Variants in PLCG2 observed in about 807,000 individuals in gnomAD.
PLCG2 encodes the protein 1-phosphatidylinositol 4,5-bisphosphate phosphodiesterase gamma-2.
In PLCG2, 69 loss-of-function variants were observed where a neutral mutation model predicts 175.6. The observed-to-expected ratio is 0.39, with a 90% CI of 0.32 to 0.48. The LOEUF is 0.48. Ranked by LOEUF, PLCG2 falls within the 20% of genes least tolerant of loss-of-function variation. PLCG2 has a pLI of 0.91. For missense variants in PLCG2, 1,798 were observed against 1,650.9 expected (o/e 1.09, Z -1.54); for synonymous variants, 827 against 624.0 (o/e 1.33, Z -4.85).
intron 7 of PLCG2, among the ~76,000 whole-genome samples, chr16:81,874,846 T>C (rs1047552911): frequency 6.6e-6 from 1 of 151,676 alleles, no homozygotes; most frequent in African/African-American, 2.4e-5. Flanking sequence ...GTCTCCCTGG[T>C]GAGGGGATAT....
chr16:81,935,079 A>G (rs1910652482), intron 26 of PLCG2, among the ~76,000 whole-genome samples: 3 of 152,142 alleles, frequency 2.0e-5, no homozygotes, highest in South Asian at 2.1e-4. Context: ...TGCCATTACC[A>G]CAAACTTGGT....
At chr16:81,942,189 G>A (rs1261600734) in intron 30 of PLCG2, among the ~76,000 whole-genome samples, 1 of 152,208 alleles carries the variant, frequency 6.6e-6, no homozygotes, top group Non-Finnish European at 1.5e-5. Flanking sequence ...CCTCTTGAAG[G>A]ATGAGGGCCT....
chr16:81,960,199 G>C lies in PLCG2; in HGVS notation c.*2201G>C. On this transcript the variant is annotated 3_prime_UTR_variant, in exon 33 of 33. Transcript: ENST00000564138. ...CCTTGACAGAGTAACACGTTAATCTGGTTCTTGGTGGTGTTAGGGACTGAT... is the reference window on the plus strand; with the variant it reads ...CCTTGACAGAGTAACACGTTAATCTCGTTCTTGGTGGTGTTAGGGACTGAT... 9.1e-6 allele frequency: 2 copies of C among 220,360 alleles called. No homozygotes were observed. Among genetic ancestry groups the C allele is most frequent in the Non-Finnish European group, 1.8e-5 (2 of 109,894 alleles). The allele number at this position is 220,360 out of a possible 1,614,324, so 13.7% of individuals were successfully genotyped here.
chr16:81,841,722 C>T (rs967133733), intron 2 of PLCG2, among the ~76,000 whole-genome samples: 1 of 152,210 alleles, frequency 6.6e-6, no homozygotes, highest in Non-Finnish European at 1.5e-5. Context: ...TGGGCTCTTT[C>T]TGCTCTACCG....
At chr16:81,803,485 C>T (rs1241431723) in intron 2 of PLCG2, among the ~76,000 whole-genome samples, 1 of 151,924 alleles carries the variant, frequency 6.6e-6, no homozygotes, top group Non-Finnish European at 1.5e-5. Context: ...AGGTAGTTCT[C>T]TCTTTTTGGT....
chr16:81,764,544 C>T (rs1247111942), intron 2 of PLCG2, among the ~76,000 whole-genome samples: 1 of 152,176 alleles, frequency 6.6e-6, no homozygotes, highest in Non-Finnish European at 1.5e-5. Flanking sequence ...CAAGCGTGCC[C>T]CGTGCAGGTC....
intron 10 of PLCG2, chr16:81,889,514 G>A: frequency 2.6e-6 from 1 of 378,090 alleles, no homozygotes; most frequent in Non-Finnish European, 4.8e-6. Context: ...AGAACCGATT[G>A]ATCAAGGCAG....
chr16:81,745,858 C>T (rs979099709), intron 1 of PLCG2, among the ~76,000 whole-genome samples: 2 of 152,218 alleles, frequency 1.3e-5, no homozygotes, highest in African/African-American at 2.4e-5. Flanking sequence ...GCTATCCATT[C>T]AGAGGCCGAG....
intron 23 of PLCG2, 54 bp from the exon 24 acceptor site, chr16:81,928,504 T>A: frequency 8.6e-7 from 1 of 1,167,364 alleles, no homozygotes; most frequent in Non-Finnish European, 1.3e-6. Flanking sequence ...AAACGGGTTT[T>A]CTTTTTATTA....
chr16:81,769,378 G>T (rs1021648381), intron 2 of PLCG2, among the ~76,000 whole-genome samples: 1 of 152,142 alleles, frequency 6.6e-6, no homozygotes, highest in Non-Finnish European at 1.5e-5. Flanking sequence ...AGCGGCGGGC[G>T]GCAGTTAAAT....
chr16:81,931,443 C>T, intron 24 of PLCG2, 54 bp from the exon 25 acceptor site: 4 of 1,571,928 alleles, frequency 2.5e-6, no homozygotes, highest in Non-Finnish European at 3.5e-6. Context: ...GCAGTCTGGT[C>T]TTTGTGGCCC....
At chr16:81,859,308 C>A in intron 5 of PLCG2, 145 bp downstream of exon 5, 2 of 599,218 alleles carry the variant, frequency 3.3e-6, no homozygotes. Flanking sequence ...ATGTTGGGTC[C>A]TGGGGTTGAG....
At chr16:81,778,078 ACAC>A (rs1350601509), upstream of PLCG2, among the ~76,000 whole-genome samples, 3 of 47,748 alleles carry the variant, frequency 6.3e-5, no homozygotes, top group African/African-American at 2.6e-4. Context: ...AAACACACAC[ACAC>A]AAAAAAAACG....
rs188005486 is a variant in PLCG2, at chr16:81,867,691, C to T, written c.480-1523C>T. Among the ~76,000 whole-genome samples, 37 of 152,072 alleles carry T rather than the reference C, an allele frequency of 2.4e-4. No homozygotes were observed. The East Asian group carries it at 7.0e-3, about 29-fold the overall frequency. Reference sequence around the variant, plus strand: ...GCCTGGGACGTGTTCTCCCTTGCTTCCCTCCCTTTTCTTTTTTATTTTTGG... The same window carrying T: ...GCCTGGGACGTGTTCTCCCTTGCTTTCCTCCCTTTTCTTTTTTATTTTTGG... On this transcript the variant is annotated intron_variant, in intron 5 of 32. Coordinates refer to ENST00000564138, the MANE Select transcript of PLCG2 (RefSeq NM_002661.5).
chr16:81,795,319 A>G (rs756077414), intron 2 of PLCG2, among the ~76,000 whole-genome samples: 3 of 152,218 alleles, frequency 2.0e-5, no homozygotes, highest in Non-Finnish European at 2.9e-5. Flanking sequence ...GCCTCTCTGT[A>G]GAGGTGATGT....
intron 2 of PLCG2, among the ~76,000 whole-genome samples, chr16:81,831,807 G>T (rs931492529): frequency 6.6e-6 from 1 of 152,208 alleles, no homozygotes. Context: ...CCTTCTAGCT[G>T]TCTGCAACAG....
intron 24 of PLCG2, 94 bp from the exon 25 acceptor site, chr16:81,931,403 G>C (rs1318428642): frequency 2.5e-6 from 3 of 1,214,084 alleles, no homozygotes; most frequent in Non-Finnish European, 3.6e-6. Context: ...AGTGGTGGTT[G>C]GTCCATGAGA....
intron 7 of PLCG2, among the ~76,000 whole-genome samples, chr16:81,874,602 C>G (rs1354292896): frequency 1.3e-5 from 2 of 152,116 alleles, no homozygotes; most frequent in Non-Finnish European, 2.9e-5. Flanking sequence ...GAATGAGGGC[C>G]TAGCTGGATT....
chr16:81,858,436 GGGAAA>G (rs1567501968), intron 4 of PLCG2, 80 bp downstream of exon 4: 61 of 975,992 alleles, frequency 6.3e-5, no homozygotes, highest in Non-Finnish European at 9.0e-5. Flanking sequence ...GGCTACAGGG[GGGAAA>G]AAAAAAAAAA....
Sources: allele counts gnomAD v4.1 joint callset (sites outside exome capture counted in the v4.1 genomes callset), GRCh38; gene constraint gnomAD v4.1.1; transcripts MANE v1.5; gene names NCBI Gene and HGNC (gene_info 2026-07-23, HGNC 2026-07-21).